Variants in TMEM132D observed in about 807,000 individuals in gnomAD.
The protein encoded by TMEM132D is transmembrane protein 132D.
TMEM132D carries 21 observed loss-of-function variants against 62.3 expected under a neutral mutation model. The ratio of observed to expected loss-of-function variants is 0.34; its 90% CI spans 0.24 to 0.49. TMEM132D has a LOEUF of 0.49. Ranked by LOEUF, TMEM132D falls within the 20% of genes least tolerant of loss-of-function variation. The pLI is 0.99. For missense variants in TMEM132D, 1,346 were observed against 1,402.8 expected (o/e 0.96, Z 0.65); for synonymous variants, 621 against 575.6 (o/e 1.08, Z -1.13).
At chr12:129,606,455 C>G (rs917562495) in intron 2 of TMEM132D, among the ~76,000 whole-genome samples, 3 of 152,122 alleles carry the variant, frequency 2.0e-5, no homozygotes, top group Non-Finnish European at 4.4e-5. Flanking sequence ...TCTCTTGCAT[C>G]CCTGAGATGG....
chr12:129,735,666 A>G (rs1267895674), intron 1 of TMEM132D, among the ~76,000 whole-genome samples: 2 of 152,220 alleles, frequency 1.3e-5, no homozygotes, highest in African/African-American at 4.8e-5. Context: ...AGCCATAGAA[A>G]AAAAGAGCAA....
chr12:129,142,195 G>A (rs1876764976), intron 5 of TMEM132D, among the ~76,000 whole-genome samples: 1 of 151,986 alleles, frequency 6.6e-6, no homozygotes, highest in South Asian at 2.1e-4. Flanking sequence ...CGTCCAACTG[G>A]TCACAGATTT....
chr12:129,339,737 T>G (rs1869406698), intron 3 of TMEM132D, among the ~76,000 whole-genome samples: 1 of 152,226 alleles, frequency 6.6e-6, no homozygotes, highest in Non-Finnish European at 1.5e-5. Context: ...TTCCCATTGA[T>G]GAAATGGGAT....
intron 4 of TMEM132D, among the ~76,000 whole-genome samples, chr12:129,322,141 A>G (rs1868739254): frequency 6.6e-6 from 1 of 150,790 alleles, no homozygotes; most frequent in African/African-American, 2.4e-5. Context: ...GAGCATTGAT[A>G]CAATGACCTT....
intron 5 of TMEM132D, among the ~76,000 whole-genome samples, chr12:129,145,588 A>G (rs1876872649): frequency 6.6e-6 from 1 of 151,958 alleles, no homozygotes; most frequent in South Asian, 2.1e-4. Flanking sequence ...CTTCTGCCTG[A>G]GCTCTGGGCT....
At chr12:129,830,877 T>G (rs533817240) in intron 1 of TMEM132D, among the ~76,000 whole-genome samples, 1 of 152,106 alleles carries the variant, frequency 6.6e-6, no homozygotes, top group Admixed American at 6.5e-5. Context: ...CGTAGTTGGG[T>G]GTTGAGAAGT....
At chr12:129,850,194 T>C (rs1344500094) in intron 1 of TMEM132D, among the ~76,000 whole-genome samples, 1 of 152,208 alleles carries the variant, frequency 6.6e-6, no homozygotes, top group Admixed American at 6.5e-5. Flanking sequence ...TGTGCTCACA[T>C]TGATTTTTGC....
intron 1 of TMEM132D, among the ~76,000 whole-genome samples, chr12:129,758,358 T>C (rs969474244): frequency 1.3e-5 from 2 of 152,238 alleles, no homozygotes; most frequent in Admixed American, 6.5e-5. Flanking sequence ...AAGTGTAAGT[T>C]ACTCAGGGAA....
chr12:129,575,710 T>C (rs943043851), intron 2 of TMEM132D, among the ~76,000 whole-genome samples: 20 of 151,776 alleles, frequency 1.3e-4, no homozygotes, highest in African/African-American at 4.9e-4. Flanking sequence ...ATGAAACCTG[T>C]AGATTTGTGG....
At chr12:129,179,845 T>G (rs754861033) in intron 5 of TMEM132D, among the ~76,000 whole-genome samples, 64 of 151,862 alleles carry the variant, frequency 4.2e-4, no homozygotes, top group Non-Finnish European at 5.4e-4. Context: ...CTGGCCAACA[T>G]GGCGAAACTC....
At chr12:129,561,704 T>C (rs1412575534) in intron 2 of TMEM132D, among the ~76,000 whole-genome samples, 1 of 152,222 alleles carries the variant, frequency 6.6e-6, no homozygotes, top group East Asian at 1.9e-4. Flanking sequence ...TAAATCAATT[T>C]GTTTATCTCT....
At chr12:129,625,707 C>G (rs1418618507) in intron 2 of TMEM132D, among the ~76,000 whole-genome samples, 1 of 152,184 alleles carries the variant, frequency 6.6e-6, no homozygotes, top group Non-Finnish European at 1.5e-5. Flanking sequence ...TCAAAGGAAG[C>G]CCTGCACAGC....
At chr12:129,611,582 G>C (rs1878776323) in intron 2 of TMEM132D, among the ~76,000 whole-genome samples, 1 of 152,134 alleles carries the variant, frequency 6.6e-6, no homozygotes. Flanking sequence ...CGTTGACTGG[G>C]GCTCTCCTCC....
chr12:129,596,445 C>T (rs1878339885), intron 2 of TMEM132D, among the ~76,000 whole-genome samples: 1 of 151,976 alleles, frequency 6.6e-6, no homozygotes, highest in Admixed American at 6.6e-5. Context: ...TTTTTATATA[C>T]AGTTGTCCCT....
At chr12:129,326,394 G>C (rs1224577005) in intron 4 of TMEM132D, among the ~76,000 whole-genome samples, 1 of 152,144 alleles carries the variant, frequency 6.6e-6, no homozygotes, top group Non-Finnish European at 1.5e-5. Context: ...GCCTGCAAAA[G>C]CTGTCATTTT....
chr12:129,099,819 T>A (rs990824651), intron 5 of TMEM132D, among the ~76,000 whole-genome samples: 3 of 143,378 alleles, frequency 2.1e-5, no homozygotes, highest in Non-Finnish European at 2.9e-5. Flanking sequence ...TTTTTTTATT[T>A]TTTTTATTTT....
rs1870593891 is a variant in TMEM132D, at chr12:129,371,343, ATAATGATGGTGACAATAATGATG to A, written c.1116-33549_1116-33527del. 6.6e-6 allele frequency among the ~76,000 whole-genome samples: 1 copy of A among 151,718 alleles called. No individual in the cohort carries two copies. The highest frequency in any genetic ancestry group is 6.6e-5 in the Admixed American group (1 of 15,218). On this transcript the variant is annotated intron_variant, in intron 3 of 8. Coordinates refer to ENST00000422113, the MANE Select transcript of TMEM132D (RefSeq NM_133448.3). This position sits in a 1 kb window ranked among gnomAD's most constrained non-coding sequence, Gnocchi z 4.3. ...GGTGGTGATAACGATGGTGATGATTATAATGATGGTGACAATAATGATGTGATGATGGTGATGATGAATGATGA... is the reference window on the plus strand; with the variant it reads ...GGTGGTGATAACGATGGTGATGATTATGATGATGGTGATGATGAATGATGA...
chr12:129,105,559 G>GAA (rs200761456), intron 5 of TMEM132D, among the ~76,000 whole-genome samples: 28 of 141,112 alleles, frequency 2.0e-4, no homozygotes, highest in East Asian at 8.1e-4. Context: ...TAAAAAAAAA[G>GAA]AAAAAAAAAA....
chr12:129,572,079 CT>C (rs1877529063), intron 2 of TMEM132D, among the ~76,000 whole-genome samples: 1 of 152,210 alleles, frequency 6.6e-6, no homozygotes, highest in Non-Finnish European at 1.5e-5. Flanking sequence ...AGACTCCCCT[CT>C]ACAGGAAACT....
Sources: gnomAD v4.1 joint callset for allele counts (sites outside exome capture counted in the v4.1 genomes callset) on GRCh38, gnomAD v4.1.1 for gene constraint, Gnocchi (gnomAD v3.1) non-coding constraint, MANE v1.5 for transcripts, NCBI Gene and HGNC (gene_info 2026-07-23, HGNC 2026-07-21) for gene names.